Variants in ZFAT observed in about 807,000 individuals in gnomAD.
The protein encoded by ZFAT is zinc finger protein ZFAT.
A neutral mutation model predicts 117.7 loss-of-function variants in ZFAT; 64 were observed. That is an observed-to-expected ratio of 0.54 (90% CI 0.44 to 0.67). The LOEUF is 0.67. ZFAT is among the 30% of genes least tolerant of loss of function. ZFAT has a pLI of 0.00. For synonymous variants in ZFAT, 679 were observed against 615.0 expected (o/e 1.10, Z -1.54); for missense variants, 1,433 against 1,584.5 (o/e 0.90, Z 1.62).
At position 134,478,249 on chromosome 8, in the gene ZFAT, T is replaced by A; in HGVS notation, c.*233A>T. 4 of 573,378 alleles carry A rather than the reference T, an allele frequency of 7.0e-6. No homozygotes were observed. 35.5% of individuals were successfully genotyped at this position (573,378 alleles called of 1,614,324 possible). A position where few individuals can be genotyped will look rare whatever the true frequency, so the allele number is the denominator to read the frequency against. ...CTGAAGTCTTTCAGGAAGCAGATGG[T>A]AAGGGTCAGGGGGTGTGTGTCTATG... On this transcript the variant is annotated 3_prime_UTR_variant, in exon 16 of 16. Coordinates refer to ENST00000377838, the MANE Select transcript of ZFAT (RefSeq NM_020863.4). This position sits in a 1 kb window ranked among gnomAD's most constrained non-coding sequence, Gnocchi z 5.2.
intron 15 of ZFAT, among the ~76,000 whole-genome samples, chr8:134,485,978 G>A (rs748668856): frequency 1.3e-5 from 2 of 152,232 alleles, no homozygotes; most frequent in African/African-American, 2.4e-5. Context: ...GGCTGGGGCC[G>A]CCTTCCTGTT....
At chr8:134,669,376 G>C (rs1832432404) in intron 1 of ZFAT, among the ~76,000 whole-genome samples, 1 of 152,188 alleles carries the variant, frequency 6.6e-6, no homozygotes, top group East Asian at 1.9e-4. Context: ...CCCACAAAGG[G>C]AAGCCCATCT....
chr8:134,589,740 G>A (rs890212206), intron 8 of ZFAT, among the ~76,000 whole-genome samples: 2 of 152,222 alleles, frequency 1.3e-5, no homozygotes, highest in East Asian at 1.9e-4. Flanking sequence ...TGCAAAGAAT[G>A]AACAGGAATT....
At chr8:134,829,104 C>A in the ZFAT span, among the ~76,000 whole-genome samples, 1 of 152,334 alleles carries the variant, frequency 6.6e-6, no homozygotes, top group Admixed American at 6.5e-5. Flanking sequence ...AGGTTCCTGA[C>A]AAACCTGATC....
At chr8:134,504,685 A>AG (rs1418907669) in intron 15 of ZFAT, among the ~76,000 whole-genome samples, 1 of 152,240 alleles carries the variant, frequency 6.6e-6, no homozygotes, top group Non-Finnish European at 1.5e-5. Context: ...ATTATGCCCT[A>AG]GGACATGCCA....
At chr8:134,578,411 C>CAAA (rs778606284) in intron 10 of ZFAT, among the ~76,000 whole-genome samples, 4 of 68,376 alleles carry the variant, frequency 5.9e-5, no homozygotes, top group African/African-American at 1.1e-4. Flanking sequence ...AACTCTGTCT[C>CAAA]AAAAAAAAAA....
At chr8:134,571,821 C>T (rs1473757994) in intron 10 of ZFAT, among the ~76,000 whole-genome samples, 1 of 152,146 alleles carries the variant, frequency 6.6e-6, no homozygotes, top group Non-Finnish European at 1.5e-5. Flanking sequence ...AGAAACTAGA[C>T]ATTTTTAGTA....
chr8:134,806,028 G>A, the ZFAT span, among the ~76,000 whole-genome samples: 1 of 151,856 alleles, frequency 6.6e-6, no homozygotes, highest in Non-Finnish European at 1.5e-5. Context: ...ACCTTCTTTT[G>A]GGGAAAAAAA....
chr8:134,784,261 T>C, the ZFAT span: 28 of 152,220 alleles, frequency 1.8e-4, no homozygotes, highest in Non-Finnish European at 1.5e-5. Flanking sequence ...GAGACTCTAG[T>C]GCTAAGTGTC....
At chr8:134,789,565 T>C in the ZFAT span, among the ~76,000 whole-genome samples, 1 of 152,200 alleles carries the variant, frequency 6.6e-6, no homozygotes, top group African/African-American at 2.4e-5. Flanking sequence ...TTCTTGCCCA[T>C]TCTTCCTTAT....
rs1022525164 is a variant in ZFAT, at chr8:134,562,571, C to T, written c.2976+2762G>A. ...AGTTGTGGGATGAGAGAAACTAAGG[C>T]TGGATTTACTGTTTCTCACTCAGGT... On this transcript the variant is annotated intron_variant, in intron 11 of 15. Coordinates refer to ENST00000377838, the MANE Select transcript of ZFAT (RefSeq NM_020863.4). Among the ~76,000 whole-genome samples the T allele has an allele frequency of 5.3e-5, 8 of 152,224 alleles. No individual in the cohort carries two copies. The East Asian group carries it at 1.2e-3, about 22-fold the overall frequency.
intron 1 of ZFAT, among the ~76,000 whole-genome samples, chr8:134,665,284 T>G (rs905158684): frequency 4.6e-5 from 7 of 151,960 alleles, no homozygotes; most frequent in Admixed American, 3.9e-4. Context: ...TCAGATGGAG[T>G]TGGCCTACTC....
chr8:134,563,298 A>G (rs975716312), intron 11 of ZFAT, among the ~76,000 whole-genome samples: 1 of 152,208 alleles, frequency 6.6e-6, no homozygotes, highest in African/African-American at 2.4e-5. Context: ...TAGTTTCTCC[A>G]ATTTCTCCCT....
chr8:134,667,555 A>G (rs1011340296), intron 1 of ZFAT, among the ~76,000 whole-genome samples: 2 of 146,952 alleles, frequency 1.4e-5, no homozygotes, highest in African/African-American at 2.5e-5. Context: ...ACCAGGGCAC[A>G]TATGTAACAA....
the ZFAT span, among the ~76,000 whole-genome samples, chr8:134,782,990 T>C: frequency 9.9e-5 from 15 of 151,638 alleles, no homozygotes; most frequent in Admixed American, 2.6e-4. Flanking sequence ...TATATATATA[T>C]ACACACACAC....
rs376647997 is a variant in ZFAT, at chr8:134,478,614, G to A, written c.3600C>T (p.Asp1200=). The A allele has an allele frequency of 3.3e-5, 52 of 1,587,502 alleles. No homozygotes were observed. In the African/African-American group the frequency reaches 3.6e-4, roughly 11 times the overall value. ...AEQHHLVVSS[D]DVEGIETVTV... The stretch of plus-strand genomic sequence containing the variant: ...TCACCGTCTCAATGCCCTCCACGTC[G>A]TCGGAGGACACCACCAGGTGGTGCT... The change falls in exon 16 of 16, where the codon GAC becomes GAT. Residue 1200 remains aspartate, a synonymous_variant. Transcript: ENST00000377838. The surrounding 1 kb of genome is among the most constrained non-coding windows in gnomAD (Gnocchi z 5.2).
At chr8:134,601,435 T>C (rs368970685) in intron 6 of ZFAT, 42 bp downstream of exon 6, 577 of 1,555,426 alleles carry the variant, frequency 3.7e-4, no homozygotes, top group Non-Finnish European at 4.2e-4. Flanking sequence ...CACAGCATGA[T>C]GGTTGTGGAC....
intron 11 of ZFAT, among the ~76,000 whole-genome samples, chr8:134,555,919 T>A (rs1025971316): frequency 4.0e-5 from 6 of 148,914 alleles, no homozygotes; most frequent in African/African-American, 1.5e-4. Context: ...AGGAGGATCA[T>A]TTGAGCCCAG....
the ZFAT span, among the ~76,000 whole-genome samples, chr8:134,722,651 G>C: frequency 6.6e-6 from 1 of 152,222 alleles, no homozygotes; most frequent in African/African-American, 2.4e-5. Context: ...GCAGAGGAGG[G>C]GAGGGAGTTG....
Sources: allele counts gnomAD v4.1 joint callset (sites outside exome capture counted in the v4.1 genomes callset), GRCh38; gene constraint gnomAD v4.1.1; non-coding constraint Gnocchi (gnomAD v3.1); transcripts MANE v1.5; gene names NCBI Gene and HGNC (gene_info 2026-07-23, HGNC 2026-07-21).